The following NF1 variants were observed in gnomAD, a reference collection of about 807,000 sequenced individuals.
The protein encoded by NF1 is neurofibromin 1, also known as neurofibromin.
Under a neutral mutation model 325.7 loss-of-function variants are expected in NF1, and 122 were observed. The observed-to-expected ratio is 0.37, with a 90% CI of 0.32 to 0.44. The LOEUF (loss-of-function observed/expected upper bound fraction) is 0.44. NF1 is among the 20% of genes least tolerant of loss of function. NF1 has a pLI of 1.00. For missense variants in NF1, 2,140 were observed against 3,415.4 expected, an observed-to-expected ratio of 0.63 and a Z score of 9.31; for synonymous variants, 1,091 against 1,186.0, an observed-to-expected ratio of 0.92 and a Z score of 1.65.
intron 36 of NF1, chr17:31,295,383 T>C (rs781115146): frequency 8.7e-6 from 14 of 1,614,134 alleles, no homozygotes; most frequent in African/African-American, 1.3e-5. Context: ...TTGCTTAGAG[T>C]GGCACCAAAC....
chr17:31,305,396 A>G, intron 36 of NF1: 1 of 1,614,172 alleles, frequency 6.2e-7, no homozygotes, highest in Non-Finnish European at 8.5e-7. Flanking sequence ...TTGGCAGGTG[A>G]TATTGATTGT....
intron 9 of NF1, 108 bp downstream of exon 9, chr17:31,200,703 C>A: frequency 1.6e-6 from 2 of 1,260,202 alleles, no homozygotes; most frequent in Non-Finnish European, 2.3e-6. Flanking sequence ...TCTGACTCTT[C>A]GTTGATAAGT....
intron 48 of NF1, among the ~76,000 whole-genome samples, chr17:31,343,891 G>A (rs942615756): frequency 1.1e-4 from 16 of 151,826 alleles, no homozygotes; most frequent in African/African-American, 3.9e-4. Context: ...AGGAGGTCAA[G>A]GCTGCAGTGG....
chr17:31,348,806 T>C lies in NF1; in HGVS notation c.7190-314T>C, dbSNP rs116598422. Among the ~76,000 whole-genome samples the C allele has an allele frequency of 9.5e-3, 1,444 of 152,264 alleles. 23 individuals carry two copies. Among genetic ancestry groups the C allele is most frequent in the African/African-American group, 0.033 (1,360 of 41,548 alleles). ...GAATTATAATACATAGATTTTTTTT[T>C]TTAATCTCTGTGCTGCTTTAGGGAA... On this transcript the variant is annotated intron_variant, in intron 48 of 57. Transcript: ENST00000358273.
Position 31,200,565 on chromosome 17 carries a change from A to G in NF1, c.1032A>G (p.Leu344=), listed in dbSNP as rs199832006. The part of the protein sequence containing the change: ...INWEDNSVIF[L]LVQSMVVDLK... ...GGGAAGATAACTCTGTCATTTTCCTACTTGTTCAGTCCATGGTGGTTGATC... is the reference window on the plus strand; with the variant it reads ...GGGAAGATAACTCTGTCATTTTCCTGCTTGTTCAGTCCATGGTGGTTGATC... The change falls in exon 9 of 58, where the codon CTA becomes CTG. Residue 344 remains leucine, a synonymous_variant. Transcript: ENST00000358273. 259 of 1,614,054 alleles carry G rather than the reference A, an allele frequency of 1.6e-4. 3 individuals are homozygous for G. The highest frequency in any genetic ancestry group is 1.0e-4 in the Admixed American group (6 of 60,012).
chr17:31,135,491 T>G (rs905759095), intron 1 of NF1, among the ~76,000 whole-genome samples: 1 of 152,184 alleles, frequency 6.6e-6, no homozygotes, highest in African/African-American at 2.4e-5. Flanking sequence ...CTGGAGAGTT[T>G]AGTTCATTTA....
At chr17:31,304,090 T>C in intron 36 of NF1, 1 of 564,370 alleles carries the variant, frequency 1.8e-6, no homozygotes, top group Non-Finnish European at 3.0e-6. Flanking sequence ...TACTGTTAAA[T>C]AACTTTTTTT....
chr17:31,184,567 T>G (rs1303014635), intron 8 of NF1, among the ~76,000 whole-genome samples: 3 of 146,780 alleles, frequency 2.0e-5, no homozygotes, highest in Non-Finnish European at 4.5e-5. Context: ...GAGAATGGCG[T>G]GAACCCCAGG....
chr17:31,305,440 C>G (rs760956267), intron 36 of NF1: 1 of 1,614,120 alleles, frequency 6.2e-7, no homozygotes, highest in East Asian at 2.2e-5. Flanking sequence ...TGTTGGTTGA[C>G]CCAAAGGATT....
intron 37 of NF1, among the ~76,000 whole-genome samples, chr17:31,327,087 G>C (rs1191248249): frequency 6.6e-6 from 1 of 152,032 alleles, no homozygotes; most frequent in African/African-American, 2.4e-5. Flanking sequence ...TGCTGCCTCA[G>C]CCTCCCCAGT....
intron 51 of NF1, among the ~76,000 whole-genome samples, chr17:31,354,254 G>GA (rs964912143): frequency 3.1e-4 from 47 of 151,716 alleles, no homozygotes; most frequent in Non-Finnish European, 5.2e-4. Context: ...GAAATTAGAA[G>GA]AAAAAAAACT....
rs1170107330 is a variant in NF1, at chr17:31,163,432, G to A, written c.479+56G>A. 4 of 1,560,792 alleles carry A rather than the reference G, an allele frequency of 2.6e-6. No individual in the cohort carries two copies. In the East Asian group the frequency reaches 6.7e-5, roughly 26 times the overall value. ...AAGTAATATGAATATTAGAAGTTTTGTTTTTTGTCTACATAAAAATAAAAA... is the reference window on the plus strand; with the variant it reads ...AAGTAATATGAATATTAGAAGTTTTATTTTTTGTCTACATAAAAATAAAAA... On this transcript the variant is annotated intron_variant, in intron 4 of 57. Transcript: ENST00000358273.
At chr17:31,283,818 G>A (rs1408556422) in intron 36 of NF1, among the ~76,000 whole-genome samples, 1 of 152,066 alleles carries the variant, frequency 6.6e-6, no homozygotes, top group East Asian at 1.9e-4. Flanking sequence ...AGACCTACAT[G>A]ACTACGGTTT....
Position 31,103,039 on chromosome 17 carries a change from G to A in NF1, c.60+7670G>A, listed in dbSNP as rs1403984981. On this transcript the variant is annotated intron_variant, in intron 1 of 57. Transcript: ENST00000358273. ...TTTTGTATTTTTAAAAGAGACAAGG[G>A]TTCGCCATGTTAGCTGGTCTCAAAC... is the stretch of plus-strand genomic sequence containing the variant. 3.3e-5 allele frequency among the ~76,000 whole-genome samples: 5 copies of A among 151,646 alleles called. 1 individual carries two copies. The South Asian group carries it at 1.0e-3, about 32-fold the overall frequency.
intron 1 of NF1, among the ~76,000 whole-genome samples, chr17:31,103,394 C>T (rs1482270940): frequency 6.6e-6 from 1 of 152,142 alleles, no homozygotes; most frequent in Non-Finnish European, 1.5e-5. Flanking sequence ...AGGCGTGTGC[C>T]ACCACACCCA....
intron 2 of NF1, among the ~76,000 whole-genome samples, chr17:31,158,079 C>T (rs1454342296): frequency 3.9e-5 from 6 of 151,972 alleles, no homozygotes; most frequent in African/African-American, 1.5e-4. Context: ...AAATCTCTAC[C>T]CACCCCGATT....
In NF1 at chr17:31,374,013, G is replaced by C. The variant is rs1275285522; in HGVS notation, c.8378G>C (p.Gly2793Ala). Residue 2793 changes from glycine to alanine, a missense_variant and splice_region_variant, in exon 58 of 58, where the codon GGA becomes GCA. By Grantham distance (60) the Gly-to-Ala change is moderately conservative (BLOSUM62 0). This residue lies in a region of NF1 where 522 missense variants were observed against 749.0 expected (regional missense o/e 0.70). Coordinates refer to ENST00000358273, the MANE Select transcript of NF1 (RefSeq NM_001042492.3). ...TSLATSQHSP[G>A]IDKENVELSP... ...AACTGGCTGTTCTCTTTTTCTCCAG[G>C]AATCGACAAGGAGAACGTTGAACTC... 6.2e-7 allele frequency: 1 copy of C among 1,613,886 alleles called. No homozygotes were observed. Among genetic ancestry groups the C allele is most frequent in the African/African-American group, 1.3e-5 (1 of 74,916 alleles).
rs151096117 is a variant in NF1, at chr17:31,305,421, G to A, written c.4836-20399G>A. The A allele has an allele frequency of 6.2e-4, 1,003 of 1,614,140 alleles. 7 individuals are homozygous for A. The East Asian group carries it at 6.6e-3, about 11-fold the overall frequency. ...ATATTGATTGTCCAGAAAAAGTGTC[G>A]CTGAATTGTGTTGGTTGACCCAAAG... On this transcript the variant is annotated intron_variant, in intron 36 of 57. Transcript: ENST00000358273.
chr17:31,155,475 A>G (rs2143620505), intron 1 of NF1, among the ~76,000 whole-genome samples: 1 of 152,328 alleles, frequency 6.6e-6, no homozygotes, highest in Middle Eastern at 3.4e-3. Flanking sequence ...CTTCTGAACA[A>G]TCAGCAGTTG....
Sources: gnomAD v4.1 joint callset for allele counts (sites outside exome capture counted in the v4.1 genomes callset) on GRCh38, gnomAD v4.1.1 for gene constraint, gnomAD v4.1.1 regional missense constraint, MANE v1.5 for transcripts, NCBI Gene and HGNC (gene_info 2026-07-23, HGNC 2026-07-21) for gene names.